STXBP5L: variants seen among roughly 807,000 people sequenced by gnomAD.
The protein encoded by STXBP5L is syntaxin binding protein 5L, also known as syntaxin-binding protein 5-like.
In STXBP5L, 65 loss-of-function variants were observed where a neutral mutation model predicts 144.5. The ratio of observed to expected loss-of-function variants is 0.45; its 90% CI spans 0.37 to 0.55. The LOEUF is 0.55. Among genes scored for constraint, STXBP5L ranks in the 20% least tolerant of loss-of-function variants. The pLI, the probability that STXBP5L is intolerant of heterozygous loss-of-function variation, is 0.00. For missense variants in STXBP5L, 1,298 were observed against 1,405.5 expected, an observed-to-expected ratio of 0.92 and a Z score of 1.22; for synonymous variants, 505 against 469.6, an observed-to-expected ratio of 1.08 and a Z score of -0.97.
intron 3 of STXBP5L, among the ~76,000 whole-genome samples, chr3:121,004,225 T>A (rs915120558): frequency 6.6e-6 from 1 of 152,096 alleles, no homozygotes; most frequent in Non-Finnish European, 1.5e-5. Context: ...TTTTATTTCA[T>A]CGAGCAGTGG....
rs142097896 is a variant in STXBP5L, at chr3:121,339,825, A to C, written c.2176+21285A>C. ...CCTTATATAATAGCTGAAAAAAAAA[A>C]AAACTAGGAATACATTTAACCGGGG... On this transcript the variant is annotated intron_variant, in intron 20 of 26. Transcript: ENST00000471454. Among the ~76,000 whole-genome samples the C allele has an allele frequency of 9.2e-4, 140 of 152,052 alleles. 1 individual carries two copies. The highest frequency in any genetic ancestry group is 3.2e-3 in the African/African-American group (131 of 41,524).
intron 22 of STXBP5L, among the ~76,000 whole-genome samples, chr3:121,388,262 T>C (rs2046480058): frequency 6.6e-6 from 1 of 152,254 alleles, no homozygotes; most frequent in African/African-American, 2.4e-5. Context: ...CCTGAGACTT[T>C]GCTGAAGTTG....
intron 3 of STXBP5L, among the ~76,000 whole-genome samples, chr3:120,996,403 A>G (rs138743937): frequency 2.8e-3 from 423 of 152,248 alleles, no homozygotes; most frequent in Non-Finnish European, 4.8e-3. Flanking sequence ...ACTGATTACT[A>G]TAGTCAAGTC....
At chr3:121,222,806 T>C (rs376701639) in intron 10 of STXBP5L, among the ~76,000 whole-genome samples, 197 bp from the exon 11 acceptor site, 1 of 152,156 alleles carries the variant, frequency 6.6e-6, no homozygotes, top group Non-Finnish European at 1.5e-5. Context: ...GTAAATTTAA[T>C]GTGAGAATGT....
intron 20 of STXBP5L, among the ~76,000 whole-genome samples, chr3:121,333,219 C>G (rs533802795): frequency 6.6e-6 from 1 of 152,096 alleles, no homozygotes; most frequent in Non-Finnish European, 1.5e-5. Flanking sequence ...ATGATTGGAA[C>G]AGTACCTCAC....
intron 3 of STXBP5L, among the ~76,000 whole-genome samples, chr3:120,981,771 A>T (rs1450013708): frequency 1.3e-5 from 2 of 152,160 alleles, no homozygotes; most frequent in Non-Finnish European, 2.9e-5. Context: ...CAGTGTTCTT[A>T]TGCTGGTTCC....
At chr3:121,349,475 T>G (rs1257931302) in intron 20 of STXBP5L, among the ~76,000 whole-genome samples, 1 of 152,088 alleles carries the variant, frequency 6.6e-6, no homozygotes, top group Non-Finnish European at 1.5e-5. Flanking sequence ...CTATTAGGTC[T>G]GCTTGGTGTA....
chr3:121,229,748 C>T (rs1457733391), intron 11 of STXBP5L, among the ~76,000 whole-genome samples: 1 of 151,866 alleles, frequency 6.6e-6, no homozygotes, highest in Non-Finnish European at 1.5e-5. Context: ...GTAGAGATGT[C>T]TTGCCTTGTT....
chr3:120,948,900 T>A (rs1263494595), intron 2 of STXBP5L, among the ~76,000 whole-genome samples: 3 of 151,914 alleles, frequency 2.0e-5, no homozygotes, highest in African/African-American at 7.2e-5. Context: ...ATAATGATTT[T>A]TTTTTTCTTC....
At chr3:121,095,538 G>T (rs996397414) in intron 5 of STXBP5L, among the ~76,000 whole-genome samples, 1 of 151,772 alleles carries the variant, frequency 6.6e-6, no homozygotes, top group Non-Finnish European at 1.5e-5. Flanking sequence ...CATTCATTTG[G>T]TCTTCAATCA....
intron 19 of STXBP5L, among the ~76,000 whole-genome samples, chr3:121,282,769 C>A (rs1026632295): frequency 2.0e-5 from 3 of 151,950 alleles, no homozygotes; most frequent in Non-Finnish European, 4.4e-5. Context: ...ATATTTGCTT[C>A]TTTTAAATAA....
chr3:121,354,546 G>GT lies in STXBP5L; in HGVS notation c.2177-24169dup, dbSNP rs571840025. 7.2e-3 allele frequency among the ~76,000 whole-genome samples: 427 copies of GT among 59,518 alleles called. 3 individuals carry two copies. The highest frequency in any genetic ancestry group is 0.019 in the Middle Eastern group (1 of 52). The allele number at this position is 59,518 out of a possible 152,430, so 39.0% of individuals were successfully genotyped here. A position where few individuals can be genotyped will look rare whatever the true frequency, so the allele number is the denominator to read the frequency against. ...TTTTTTTTTGCTCTCCATGTGCTTTGTAGATCTTCCTCTATCCCTTTATTT... is the reference window on the plus strand; with the variant it reads ...TTTTTTTTTGCTCTCCATGTGCTTTGTTAGATCTTCCTCTATCCCTTTATTT... On this transcript the variant is annotated intron_variant, in intron 20 of 26. Transcript: ENST00000471454.
chr3:121,265,779 A>G (rs950211358), intron 18 of STXBP5L, among the ~76,000 whole-genome samples: 2 of 152,200 alleles, frequency 1.3e-5, no homozygotes, highest in Non-Finnish European at 2.9e-5. Context: ...ATAAAAAATG[A>G]TAAAGGGGAT....
At chr3:121,075,876 C>T (rs74202584) in intron 5 of STXBP5L, among the ~76,000 whole-genome samples, 1 of 152,160 alleles carries the variant, frequency 6.6e-6, no homozygotes, top group East Asian at 1.9e-4. Context: ...GTGCATTGTT[C>T]TCCAGCCTCT....
At chr3:121,291,708 G>C (rs909646791) in intron 19 of STXBP5L, among the ~76,000 whole-genome samples, 1 of 151,978 alleles carries the variant, frequency 6.6e-6, no homozygotes, top group Non-Finnish European at 1.5e-5. Flanking sequence ...ATAAAGATAG[G>C]CACATAGACC....
chr3:121,210,638 T>A (rs1369038031), intron 10 of STXBP5L, among the ~76,000 whole-genome samples: 1 of 152,232 alleles, frequency 6.6e-6, no homozygotes, highest in Non-Finnish European at 1.5e-5. Flanking sequence ...CAGTTTCAGG[T>A]TTCTACATAT....
chr3:120,937,926 T>C (rs1203692645), intron 2 of STXBP5L, among the ~76,000 whole-genome samples: 10 of 152,132 alleles, frequency 6.6e-5, no homozygotes, highest in Non-Finnish European at 1.3e-4. Flanking sequence ...TTTAATTATA[T>C]TGAGGTTTAC....
chr3:121,225,812 G>A (rs1282323060), intron 11 of STXBP5L, among the ~76,000 whole-genome samples: 4 of 152,158 alleles, frequency 2.6e-5, no homozygotes, highest in African/African-American at 9.6e-5. Context: ...TTGATAAATA[G>A]GCCAAATTAT....
chr3:121,241,460 T>A (rs1026116412), intron 14 of STXBP5L, among the ~76,000 whole-genome samples: 1 of 149,990 alleles, frequency 6.7e-6, no homozygotes, highest in African/African-American at 2.5e-5. Context: ...CCCAACTCAC[T>A]CCAGTAAAAG....
Sources: allele counts gnomAD v4.1 joint callset (sites outside exome capture counted in the v4.1 genomes callset), GRCh38; gene constraint gnomAD v4.1.1; transcripts MANE v1.5; gene names NCBI Gene and HGNC (gene_info 2026-07-23, HGNC 2026-07-21).